The following VAT1L variants were observed in gnomAD, a reference collection of about 807,000 sequenced individuals.
The protein encoded by VAT1L is vesicle amine transport 1 like, also known as putative NADPH-dependent quinone oxidoreductase VAT1L.
A neutral mutation model predicts 44.1 loss-of-function variants in VAT1L; 34 were observed. That is an observed-to-expected ratio of 0.77 (90% CI 0.59 to 1.03). The LOEUF is 1.03. Among genes scored for constraint, VAT1L ranks in the 50% least tolerant of loss-of-function variants. The probability of loss-of-function intolerance (pLI) is 0.00; values close to 1 mark genes in which losing one functional copy is unlikely to be tolerated. For missense variants in VAT1L, 615 were observed against 538.8 expected (o/e 1.14, Z -1.40); for synonymous variants, 253 against 202.2 (o/e 1.25, Z -2.13).
intron 7 of VAT1L, among the ~76,000 whole-genome samples, chr16:77,969,057 G>C (rs1291119848): frequency 2.6e-5 from 4 of 152,084 alleles, no homozygotes; most frequent in Non-Finnish European, 5.9e-5. Flanking sequence ...AACCTCAAGT[G>C]ATCTTCCCGC....
intron 1 of VAT1L, among the ~76,000 whole-genome samples, chr16:77,802,622 ACACACACACACACACAC>A (rs2016082063): frequency 2.1e-3 from 172 of 83,538 alleles, no homozygotes; most frequent in African/African-American, 2.6e-3. Flanking sequence ...TCAAACACAC[ACACACACACACACACAC>A]ACACACACAC....
chr16:77,791,846 TA>T (rs1245910205), intron 1 of VAT1L, among the ~76,000 whole-genome samples: 1 of 152,232 alleles, frequency 6.6e-6, no homozygotes, highest in Non-Finnish European at 1.5e-5. Flanking sequence ...GTTGGAATGA[TA>T]GCAGAGTCTT....
At position 77,845,938 on chromosome 16, in the gene VAT1L, T is replaced by TGCC. The variant is rs201574181; in HGVS notation, c.580-16809_580-16807dup. Among the ~76,000 whole-genome samples the TGCC allele has an allele frequency of 1.2e-3, 176 of 152,342 alleles. 2 individuals carry two copies. In the East Asian group the frequency reaches 0.025, roughly 22 times the overall value. Reference sequence around the variant, plus strand: ...ATCCATCCAGCAGCTATGCCTTAACTGCCTCTATATCCCAGGCACTAATGT... The same window carrying TGCC: ...ATCCATCCAGCAGCTATGCCTTAACTGCCGCCTCTATATCCCAGGCACTAATGT... On this transcript the variant is annotated intron_variant, in intron 3 of 8. Transcript: ENST00000302536.
chr16:77,867,698 A>G (rs1237522883), intron 4 of VAT1L, among the ~76,000 whole-genome samples: 1 of 152,110 alleles, frequency 6.6e-6, no homozygotes, highest in Admixed American at 6.5e-5. Context: ...GTCTCTACTA[A>G]AAATACAAAA....
chr16:77,840,388 G>A (rs2016692133), intron 3 of VAT1L, among the ~76,000 whole-genome samples: 2 of 152,158 alleles, frequency 1.3e-5, no homozygotes, highest in Admixed American at 1.3e-4. Flanking sequence ...TCTGTATGCT[G>A]GCCCAGCTGG....
chr16:77,837,475 G>A (rs980350543), intron 3 of VAT1L, among the ~76,000 whole-genome samples: 2 of 152,194 alleles, frequency 1.3e-5, no homozygotes, highest in African/African-American at 2.4e-5. Context: ...TGTTCGTGAA[G>A]GCAGGGATGG....
rs371495100 is a variant in VAT1L, at chr16:77,961,300, G to A, written c.1078-10550G>A. Among the ~76,000 whole-genome samples, 23 of 152,140 alleles carry A rather than the reference G, an allele frequency of 1.5e-4. 1 individual carries two copies. Among genetic ancestry groups the A allele is most frequent in the Non-Finnish European group, 1.3e-4 (9 of 68,000 alleles). On this transcript the variant is annotated intron_variant, in intron 7 of 8. Transcript: ENST00000302536. ...CGGTGATCTAGCTCCTGCCCACTCC[G>A]CTTTGCTAAGTCAACCCTCTCTAAA...
At chr16:77,877,759 G>C (rs2017105252) in intron 5 of VAT1L, among the ~76,000 whole-genome samples, 1 of 151,700 alleles carries the variant, frequency 6.6e-6, no homozygotes, top group Non-Finnish European at 1.5e-5. Flanking sequence ...TATTTGAGAG[G>C]TATAAATATG....
Position 77,825,788 on chromosome 16 carries a change from G to A in VAT1L, c.579+327G>A, listed in dbSNP as rs991259722. On this transcript the variant is annotated intron_variant, in intron 3 of 8. Coordinates refer to ENST00000302536, the MANE Select transcript of VAT1L (RefSeq NM_020927.3). ...TCCCAGCACTTTGGGAGGCAGAGGC[G>A]GGCAGATCACGAAGTCAGGAGATCA... is the stretch of plus-strand genomic sequence containing the variant. Among the ~76,000 whole-genome samples, 40 of 151,706 alleles carry A rather than the reference G, an allele frequency of 2.6e-4. 1 individual carries two copies. The highest frequency in any genetic ancestry group is 4.6e-4 in the Non-Finnish European group (31 of 67,914).
intron 7 of VAT1L, among the ~76,000 whole-genome samples, chr16:77,954,010 C>G (rs1337526553): frequency 6.6e-6 from 1 of 152,294 alleles, no homozygotes; most frequent in Non-Finnish European, 1.5e-5. Flanking sequence ...TCTAACTTCT[C>G]ACACACATCC....
intron 7 of VAT1L, among the ~76,000 whole-genome samples, chr16:77,895,982 T>C (rs2017320269): frequency 6.6e-6 from 1 of 152,000 alleles, no homozygotes; most frequent in South Asian, 2.1e-4. Flanking sequence ...GGCCTGGAAG[T>C]TGGAGAGAAA....
chr16:77,890,073 C>A (rs686136), intron 7 of VAT1L, among the ~76,000 whole-genome samples: 26,870 of 151,938 alleles, frequency 0.18, 2,720 homozygotes, highest in East Asian at 0.34. Context: ...GGCAACAGAG[C>A]AAGACACCAT....
At chr16:77,799,219 C>A (rs1220466496) in intron 1 of VAT1L, among the ~76,000 whole-genome samples, 1 of 151,476 alleles carries the variant, frequency 6.6e-6, no homozygotes, top group African/African-American at 2.4e-5. Flanking sequence ...CCTCCTCCTC[C>A]TCTCCTTGTC....
At chr16:77,899,827 T>C (rs1288419898) in intron 7 of VAT1L, among the ~76,000 whole-genome samples, 3 of 152,236 alleles carry the variant, frequency 2.0e-5, no homozygotes, top group African/African-American at 7.2e-5. Flanking sequence ...TACTAAGTAG[T>C]AGCACAGATT....
intron 7 of VAT1L, among the ~76,000 whole-genome samples, chr16:77,891,513 C>CT (rs1490587942): frequency 6.6e-6 from 1 of 152,172 alleles, no homozygotes; most frequent in African/African-American, 2.4e-5. Context: ...GTAGGAAAAA[C>CT]TTTGTCTTCC....
At position 77,817,016 on chromosome 16, in the gene VAT1L, T is replaced by A; in HGVS notation, c.329T>A (p.Val110Asp). The change falls in exon 2 of 9, where the codon GTT becomes GAT. Residue 110 changes from valine to aspartate, a missense_variant. Physicochemically the swap from Val to Asp is radical, Grantham distance 152 (BLOSUM62 -3). Transcript: ENST00000302536. ...LVPGFECSGIVEALGDSVKGY... is the reference protein window; with the variant it reads ...LVPGFECSGIDEALGDSVKGY... ...CCAGGATTTGAGTGTTCTGGGATTG[T>A]TGAAGCTCTGGGGGACAGCGTGAAA... is the stretch of plus-strand genomic sequence containing the variant. 6.2e-7 allele frequency: 1 copy of A among 1,614,046 alleles called. No homozygotes were observed. Among genetic ancestry groups the A allele is most frequent in the Non-Finnish European group, 8.5e-7 (1 of 1,179,962 alleles).
intron 7 of VAT1L, among the ~76,000 whole-genome samples, chr16:77,941,026 A>G (rs541936656): frequency 2.0e-5 from 3 of 152,234 alleles, no homozygotes; most frequent in Admixed American, 2.0e-4. Context: ...ATGTATTAGA[A>G]TTGTTTCTTT....
chr16:77,973,582 C>T (rs1424569029), intron 8 of VAT1L, among the ~76,000 whole-genome samples: 1 of 150,780 alleles, frequency 6.6e-6, no homozygotes, highest in Non-Finnish European at 1.5e-5. Context: ...CATGCCTGGC[C>T]CCCAGGTTAT....
chr16:77,974,515 G>A (rs1431065122), intron 8 of VAT1L, among the ~76,000 whole-genome samples: 1 of 152,180 alleles, frequency 6.6e-6, no homozygotes, highest in Non-Finnish European at 1.5e-5. Flanking sequence ...TAAAGGCACA[G>A]GATCTGCCTG....
Sources: allele counts gnomAD v4.1 joint callset (sites outside exome capture counted in the v4.1 genomes callset), GRCh38; gene constraint gnomAD v4.1.1; transcripts MANE v1.5; gene names NCBI Gene and HGNC (gene_info 2026-07-23, HGNC 2026-07-21).